Variants in ADGRL2 observed in about 807,000 individuals in gnomAD.
ADGRL2 encodes calcium-independent alpha-latrotoxin receptor 2.
A neutral mutation model predicts 157.4 loss-of-function variants in ADGRL2; 44 were observed. The observed-to-expected ratio is 0.28, with a 90% confidence interval of 0.22 to 0.36. The LOEUF (loss-of-function observed/expected upper bound fraction) is 0.36, where lower values mean the gene tolerates loss of function less well. ADGRL2 is among the 10% of genes least tolerant of loss of function. The pLI is 1.00. For missense variants in ADGRL2, 1,510 were observed against 1,768.9 expected (o/e 0.85, Z 2.63); for synonymous variants, 585 against 624.7 (o/e 0.94, Z 0.95).
chr1:81,906,943 T>A (rs375742550), intron 2 of ADGRL2, 74 bp from the exon 3 acceptor site: 1 of 1,194,814 alleles, frequency 8.4e-7, no homozygotes, highest in Non-Finnish European at 1.2e-6. Context: ...ATCATATTAC[T>A]TGAAAATGCT....
At chr1:81,885,423 C>G (rs1450927701) in intron 2 of ADGRL2, among the ~76,000 whole-genome samples, 5 of 152,214 alleles carry the variant, frequency 3.3e-5, no homozygotes, top group Non-Finnish European at 5.9e-5. Context: ...CCCATAAACA[C>G]AGCTGCTAAG....
intron 1 of ADGRL2, among the ~76,000 whole-genome samples, chr1:81,713,756 A>G (rs1468161616): frequency 6.6e-6 from 1 of 152,206 alleles, no homozygotes; most frequent in Non-Finnish European, 1.5e-5. Flanking sequence ...TTTATACAGT[A>G]AGTAAATGAT....
chr1:81,666,815 T>C (rs1042874766), intron 3 of ADGRL2, among the ~76,000 whole-genome samples: 4 of 152,234 alleles, frequency 2.6e-5, no homozygotes, highest in Admixed American at 2.0e-4. Context: ...ACCATTGGCC[T>C]TATGGTCAAC....
At chr1:81,612,524 TG>T (rs2081563292) in intron 3 of ADGRL2, among the ~76,000 whole-genome samples, 1 of 152,112 alleles carries the variant, frequency 6.6e-6, no homozygotes, top group Non-Finnish European at 1.5e-5. Flanking sequence ...TCAGTCAAAG[TG>T]GGTCAACAGG....
chr1:81,588,889 C>A (rs74374017), intron 3 of ADGRL2, among the ~76,000 whole-genome samples: 2,675 of 152,242 alleles, frequency 0.018, 71 homozygotes, highest in African/African-American at 0.062. Context: ...ATATCCATAG[C>A]TTTAAGTTTA....
intron 1 of ADGRL2, among the ~76,000 whole-genome samples, chr1:81,404,257 C>G (rs193110999): frequency 2.0e-5 from 3 of 152,308 alleles, no homozygotes; most frequent in Admixed American, 2.0e-4. Flanking sequence ...GCAAGGTAAT[C>G]AACTTTGAAG....
At chr1:81,981,050 T>G in intron 18 of ADGRL2, 1 of 432,730 alleles carries the variant, frequency 2.3e-6, no homozygotes, top group Admixed American at 3.9e-5. Flanking sequence ...AATATATAAA[T>G]GCTTTCTTAT....
At chr1:81,451,790 C>G (rs920221240) in intron 2 of ADGRL2, among the ~76,000 whole-genome samples, 4 of 152,144 alleles carry the variant, frequency 2.6e-5, no homozygotes, top group African/African-American at 9.7e-5. Flanking sequence ...TTGCTTCCAT[C>G]ATGCGTTAAT....
chr1:81,602,899 A>C (rs1167272151), intron 3 of ADGRL2, among the ~76,000 whole-genome samples: 8 of 27,146 alleles, frequency 2.9e-4, no homozygotes, highest in Non-Finnish European at 6.0e-4. Flanking sequence ...CTCTGTCTCA[A>C]AAAAAAAAAA....
intron 1 of ADGRL2, among the ~76,000 whole-genome samples, chr1:81,732,296 C>T (rs547293304): frequency 6.6e-6 from 1 of 152,156 alleles, no homozygotes; most frequent in Admixed American, 6.5e-5. Flanking sequence ...ACATCAGCTA[C>T]ATATCTCAAC....
At chr1:81,502,858 C>A in intron 2 of ADGRL2, 1 of 1,613,066 alleles carries the variant, frequency 6.2e-7, no homozygotes, top group Non-Finnish European at 8.5e-7. Context: ...CCTCTCCCCA[C>A]CCAAGATCCG....
rs185129073 is a variant in ADGRL2, at chr1:81,473,514, C to A, written c.-248+28425C>A. ...TTAAACGTATTATTAAAATTAATTT[C>A]ACCTGTTTCTTTGGACATTTTTAAT... On this transcript the variant is annotated intron_variant, in intron 2 of 24. Coordinates refer to the ADGRL2 transcript ENST00000370721. Among the ~76,000 whole-genome samples the A allele has an allele frequency of 2.8e-3, 429 of 152,252 alleles. 3 individuals carry two copies. In the Middle Eastern group the frequency reaches 0.037, roughly 13 times the overall value.
intron 2 of ADGRL2, among the ~76,000 whole-genome samples, chr1:81,568,376 G>A (rs2148484484): frequency 6.6e-6 from 1 of 152,206 alleles, no homozygotes; most frequent in South Asian, 2.1e-4. Context: ...TTTAAACCTT[G>A]CACACATCCT....
At chr1:81,585,563 T>G (rs1033307571) in intron 3 of ADGRL2, among the ~76,000 whole-genome samples, 2 of 152,076 alleles carry the variant, frequency 1.3e-5, no homozygotes, top group African/African-American at 2.4e-5. Flanking sequence ...GGGTTAAAGG[T>G]CTCCTGTTCG....
At chr1:81,555,022 G>T (rs2080239102) in intron 2 of ADGRL2, among the ~76,000 whole-genome samples, 1 of 151,984 alleles carries the variant, frequency 6.6e-6, no homozygotes, top group Non-Finnish European at 1.5e-5. Flanking sequence ...CAAAATGGGT[G>T]CTGGGAGGCT....
intron 2 of ADGRL2, among the ~76,000 whole-genome samples, chr1:81,872,108 A>G (rs2093711991): frequency 1.3e-5 from 2 of 152,170 alleles, no homozygotes; most frequent in African/African-American, 4.8e-5. Flanking sequence ...TAATTTTTGT[A>G]TAAGGTGTAA....
At chr1:81,511,715 A>T (rs541392548) in intron 2 of ADGRL2, among the ~76,000 whole-genome samples, 12 of 152,234 alleles carry the variant, frequency 7.9e-5, no homozygotes, top group African/African-American at 2.9e-4. Context: ...AGGGAAAGTG[A>T]GTCAAAAGCA....
intron 1 of ADGRL2, among the ~76,000 whole-genome samples, chr1:81,410,828 T>C (rs557545102): frequency 6.6e-6 from 1 of 152,376 alleles, no homozygotes; most frequent in Admixed American, 6.5e-5. Flanking sequence ...AATATCTGTT[T>C]GCTATAAATT....
chr1:81,933,672 T>C (rs1386302425), intron 3 of ADGRL2, among the ~76,000 whole-genome samples: 2 of 152,210 alleles, frequency 1.3e-5, no homozygotes, highest in Admixed American at 1.3e-4. Flanking sequence ...AGATTTTTCT[T>C]AGTATTAATA....
Sources: gnomAD v4.1 joint callset for allele counts (sites outside exome capture counted in the v4.1 genomes callset) on GRCh38, gnomAD v4.1.1 for gene constraint, MANE v1.5 for transcripts, NCBI Gene and HGNC (gene_info 2026-07-23, HGNC 2026-07-21) for gene names.